MYL6: variants seen among roughly 807,000 people sequenced by gnomAD.
MYL6 encodes myosin light polypeptide 6.
A neutral mutation model predicts 20.3 loss-of-function variants in MYL6; 20 were observed. That is an observed-to-expected ratio of 0.98 (90% CI 0.69 to 1.43). MYL6 has a LOEUF of 1.43. Ranked by LOEUF, MYL6 falls within the 40% of genes most tolerant of loss-of-function variation. The probability of loss-of-function intolerance (pLI) is 0.00; values close to 1 mark genes in which losing one functional copy is unlikely to be tolerated. For synonymous variants in MYL6, 77 were observed against 72.4 expected (o/e 1.06, Z -0.32); for missense variants, 164 against 191.0 (o/e 0.86, Z 0.83).
chr12:56,158,828 CT>C, intron 2 of MYL6, 117 bp downstream of exon 2: 4 of 1,534,200 alleles, frequency 2.6e-6, no homozygotes, highest in Middle Eastern at 2.1e-4. Context: ...AGATTACCCC[CT>C]GGATTATTTT....
At chr12:56,158,884 C>T in intron 2 of MYL6, 173 bp downstream of exon 2, 1 of 1,453,388 alleles carries the variant, frequency 6.9e-7, no homozygotes, top group Non-Finnish European at 9.0e-7. Context: ...TTTCTTCCTC[C>T]CTCCCCTTCC....
chr12:56,158,767 C>G, intron 2 of MYL6, 56 bp downstream of exon 2: 1 of 1,603,388 alleles, frequency 6.2e-7, no homozygotes, highest in Non-Finnish European at 8.5e-7. Flanking sequence ...ACACCCTCCC[C>G]CCAGCACCTA....
At chr12:56,159,274 G>C (rs1040461876) in intron 2 of MYL6, 29 of 365,506 alleles carry the variant, frequency 7.9e-5, no homozygotes, top group Admixed American at 4.3e-5. Flanking sequence ...ATAAGGACAG[G>C]ACTGAGACTG....
At position 56,159,696 on chromosome 12, in the gene MYL6, G is replaced by A. The variant is rs749553706; in HGVS notation, c.141G>A (p.Glu47=). Residue 47 remains glutamate (E), a synonymous_variant, in exon 3 of 7, where the codon GAG becomes GAA. Transcript: ENST00000550697. The part of the protein sequence containing the change: ...RALGQNPTNA[E]VLKVLGNPKS... ...TGGGCCAGAACCCTACCAACGCCGAGGTGCTCAAGGTCCTGGGGAACCCCA... is the reference window on the plus strand; with the variant it reads ...TGGGCCAGAACCCTACCAACGCCGAAGTGCTCAAGGTCCTGGGGAACCCCA... 9.9e-6 allele frequency: 16 copies of A among 1,614,050 alleles called. No homozygotes were observed. In the Admixed American group the frequency reaches 2.7e-4, roughly 27 times the overall value.
At chr12:56,160,793 C>G in intron 6 of MYL6, 123 bp downstream of exon 6, 1 of 1,132,112 alleles carries the variant, frequency 8.8e-7, no homozygotes, top group African/African-American at 1.5e-5. Context: ...CATGTTTCTG[C>G]ATGGAGCTGA....
chr12:56,159,551 C>T (rs1565883334), intron 2 of MYL6, 36 bp from the exon 3 acceptor site: 2 of 1,606,760 alleles, frequency 1.2e-6, no homozygotes, highest in Non-Finnish European at 1.7e-6. Context: ...TGGATTAACC[C>T]TCAAATCCTG....
At chr12:56,158,611 A>T in intron 1 of MYL6, 73 bp from the exon 2 acceptor site, 1 of 1,608,766 alleles carries the variant, frequency 6.2e-7, no homozygotes, top group South Asian at 1.1e-5. Context: ...TGTGGGTCAG[A>T]GTTTGTGGGG....
chr12:56,160,682 C>G lies in MYL6; in HGVS notation c.*16+12C>G. The G allele has an allele frequency of 6.2e-7, 1 of 1,613,790 alleles. No individual in the cohort carries two copies. ...GGCCCATGGGGCGGGTACGGCTCCTCCCAGCCTCTCCTCTAGTTGATCTCC... is the reference window on the plus strand; with the variant it reads ...GGCCCATGGGGCGGGTACGGCTCCTGCCAGCCTCTCCTCTAGTTGATCTCC... On this transcript the variant is annotated intron_variant, in intron 6 of 6. Transcript: ENST00000550697.
intron 6 of MYL6, 69 bp from the exon 7 acceptor site, chr12:56,161,318 G>A: frequency 6.3e-7 from 1 of 1,583,098 alleles, no homozygotes; most frequent in Non-Finnish European, 8.7e-7. Flanking sequence ...CAGTCTGGTA[G>A]TCCCCTGGCC....
chr12:56,160,072 A>C lies in MYL6; in HGVS notation c.273A>C (p.Glu91Asp), dbSNP rs1871636064. 1 of 1,614,110 alleles carries C rather than the reference A, an allele frequency of 6.2e-7. No homozygotes were observed. The highest frequency in any genetic ancestry group is 8.5e-7 in the Non-Finnish European group (1 of 1,180,040). The change falls in exon 4 of 7, where the codon GAA (glutamate) becomes GAC (aspartate). Residue 91 changes from glutamate to aspartate, a missense_variant. Physicochemically the swap from Glu to Asp is conservative, Grantham distance 45. Coordinates refer to ENST00000550697, the MANE Select transcript of MYL6 (RefSeq NM_021019.5). ...KDQGTYEDYV[E>D]GLRVFDKEGN... Reference sequence around the variant, plus strand: ...AGGGCACCTATGAGGATTATGTCGAAGGACTTCGGGTGTTTGACAAGGAAG... The same window carrying C: ...AGGGCACCTATGAGGATTATGTCGACGGACTTCGGGTGTTTGACAAGGAAG...
chr12:56,160,782 G>A (rs909312497), intron 6 of MYL6, 112 bp downstream of exon 6: 4 of 1,183,572 alleles, frequency 3.4e-6, no homozygotes, highest in Non-Finnish European at 4.9e-6. Context: ...CTTCCTCCTG[G>A]CATGTTTCTG....
At chr12:56,161,141 C>T (rs910308952) in intron 6 of MYL6, 21 of 603,826 alleles carry the variant, frequency 3.5e-5, no homozygotes, top group African/African-American at 3.3e-4. Context: ...TAGTGGAGAA[C>T]TTTTCTGCCT....
At chr12:56,159,313 TGTA>T (rs1302857717) in intron 2 of MYL6, 1 of 416,620 alleles carries the variant, frequency 2.4e-6, no homozygotes, top group East Asian at 4.4e-5. Flanking sequence ...CCCTGAGAAG[TGTA>T]GTAGCAGCAG....
intron 1 of MYL6, 139 bp downstream of exon 1, chr12:56,158,543 T>G (rs1871471954): frequency 1.2e-6 from 2 of 1,612,258 alleles, no homozygotes; most frequent in South Asian, 1.1e-5. Flanking sequence ...TTGGAAAGAC[T>G]GGGGCCCTGC....
intron 3 of MYL6, 108 bp from the exon 4 acceptor site, chr12:56,159,867 G>C: frequency 6.6e-7 from 1 of 1,525,194 alleles, no homozygotes; most frequent in Non-Finnish European, 8.8e-7. Flanking sequence ...CTTGCTTTTA[G>C]TGGGGAGTCA....
intron 6 of MYL6, chr12:56,160,970 T>C: frequency 1.8e-6 from 1 of 568,520 alleles, no homozygotes; most frequent in Non-Finnish European, 3.2e-6. Flanking sequence ...CTTCTGGCCC[T>C]GGAGCATGGG....
intron 1 of MYL6, 130 bp from the exon 2 acceptor site, chr12:56,158,554 G>T: frequency 6.2e-7 from 1 of 1,613,246 alleles, no homozygotes; most frequent in Non-Finnish European, 8.5e-7. Context: ...GGGGCCCTGC[G>T]GGGAAGCGAG....
chr12:56,160,634 A>G lies in MYL6; in HGVS notation c.436A>G (p.Arg146Gly), dbSNP rs1317069176. The part of the protein sequence containing the change: ...NGCINYEAFV[R>G]HILSG ...TCTCTTCCTTCCTGCAGCGTTTGTG[A>G]GGCATATCCTGTCGGGGTGACGGGC... The change falls in exon 6 of 7, where the codon AGG (arginine) becomes GGG (glycine). Residue 146 changes from arginine (R) to glycine (G), a missense_variant. Arg to Gly is a moderately radical substitution (Grantham distance 125). Transcript: ENST00000550697. The G allele has an allele frequency of 1.9e-6, 3 of 1,613,988 alleles. No homozygotes were observed. In the African/African-American group the frequency reaches 4.0e-5, roughly 22 times the overall value.
intron 3 of MYL6, 77 bp from the exon 4 acceptor site, chr12:56,159,898 T>A: frequency 6.5e-7 from 1 of 1,539,930 alleles, no homozygotes; most frequent in Non-Finnish European, 8.7e-7. Flanking sequence ...CTCTGTTCAG[T>A]TGAGGTCTCT....
Sources: gnomAD v4.1 joint callset for allele counts on GRCh38, gnomAD v4.1.1 for gene constraint, MANE v1.5 for transcripts, NCBI Gene and HGNC (gene_info 2026-07-23, HGNC 2026-07-21) for gene names.